Variants in NCOA5 observed in about 807,000 individuals in gnomAD.
NCOA5 encodes nuclear receptor coactivator 5, also known as NCoA-5.
Under a neutral mutation model 59.0 loss-of-function variants are expected in NCOA5, and 12 were observed. The ratio of observed to expected loss-of-function variants is 0.20; its 90% confidence interval spans 0.13 to 0.33. NCOA5 has a LOEUF of 0.33. Among genes scored for constraint, NCOA5 ranks in the 10% least tolerant of loss-of-function variants. The pLI, the probability that NCOA5 is intolerant of heterozygous loss-of-function variation, is 1.00. For synonymous variants in NCOA5, 270 were observed against 275.5 expected (o/e 0.98, Z 0.20); for missense variants, 655 against 766.6 (o/e 0.85, Z 1.72).
chr20:46,085,714 C>G (rs1218252296), intron 1 of NCOA5, among the ~76,000 whole-genome samples: 1 of 152,100 alleles, frequency 6.6e-6, no homozygotes. Context: ...AGAGGAATAA[C>G]ATGAAGCAAG....
intron 2 of NCOA5, among the ~76,000 whole-genome samples, chr20:46,072,533 A>G (rs1181057812): frequency 6.6e-6 from 1 of 152,072 alleles, no homozygotes; most frequent in Non-Finnish European, 1.5e-5. Context: ...TACAACCTCT[A>G]CCAATGCCAT....
intron 1 of NCOA5, among the ~76,000 whole-genome samples, chr20:46,083,670 TTA>T (rs1400669398): frequency 6.6e-6 from 1 of 152,220 alleles, no homozygotes; most frequent in Non-Finnish European, 1.5e-5. Flanking sequence ...TCTAAAAGGC[TTA>T]GTTGAAAACC....
intron 4 of NCOA5, among the ~76,000 whole-genome samples, chr20:46,067,864 C>T (rs573685860): frequency 6.6e-6 from 1 of 151,986 alleles, no homozygotes; most frequent in Admixed American, 6.6e-5. Flanking sequence ...GATAGTCAGT[C>T]ATAGTTACTT....
rs753097933 is a variant in NCOA5, at chr20:46,063,594, G to C, written c.916C>G (p.Arg306Gly). 18 of 1,613,976 alleles carry C rather than the reference G, an allele frequency of 1.1e-5. No individual in the cohort carries two copies. The Admixed American group carries it at 2.0e-4, about 18-fold the overall frequency. ...RYKNECREKE[R>G]EEIARQAAKM... ...GCTGCCTGTCTGGCAATCTCCTCACGTTCCTTCTCCCGGCACTCATTCTTG... is the reference window on the plus strand; with the variant it reads ...GCTGCCTGTCTGGCAATCTCCTCACCTTCCTTCTCCCGGCACTCATTCTTG... The change falls in exon 7 of 8, where the codon CGT (arginine) becomes GGT (glycine). Residue 306 changes from arginine to glycine, a missense_variant. Around this residue, in one of 3 missense-constraint regions of NCOA5, gnomAD observed 325 missense variants for 353.2 expected, o/e 0.92. Transcript: ENST00000290231.
chr20:46,080,683 A>G (rs1035033782), intron 1 of NCOA5, among the ~76,000 whole-genome samples: 3 of 152,164 alleles, frequency 2.0e-5, no homozygotes, highest in Admixed American at 6.5e-5. Flanking sequence ...AGAAGTCTCT[A>G]ATTTGTCTAG....
intron 1 of NCOA5, 111 bp downstream of exon 1, chr20:46,089,694 AGACCGTGGCCGC>A (rs1333479377): frequency 1.3e-5 from 2 of 152,038 alleles, no homozygotes; most frequent in East Asian, 3.9e-4. Context: ...AGAGGAGCCG[AGACCGTGGCCGC>A]GCGTCGAGTG....
chr20:46,082,423 AG>A (rs1329290614), intron 1 of NCOA5, among the ~76,000 whole-genome samples: 1 of 152,222 alleles, frequency 6.6e-6, no homozygotes, highest in African/African-American at 2.4e-5. Flanking sequence ...CTCTGGTTGG[AG>A]AAAAATTAAT....
rs751690591 is a variant in NCOA5, at chr20:46,065,135, G to C, written c.723C>G (p.Ala241=). The C allele has an allele frequency of 6.2e-7, 1 of 1,614,178 alleles. No individual in the cohort carries two copies. ...FLNTEVSLSQ[A]LEDVSRGGSP... ...AACCTCCCCTGCTAACATCCTCCAA[G>C]GCTTGTGACAGTGACACTTCTGTGT... Residue 241 remains alanine, a synonymous_variant, in exon 6 of 8, where the codon GCC becomes GCG. Coordinates refer to ENST00000290231, the MANE Select transcript of NCOA5 (RefSeq NM_020967.3).
intron 2 of NCOA5, among the ~76,000 whole-genome samples, chr20:46,073,666 T>A (rs80216457): frequency 0.014 from 2,156 of 152,308 alleles, 51 homozygotes; most frequent in African/African-American, 0.05. Context: ...ATCATGATCC[T>A]GACAGACCAC....
chr20:46,066,945 C>T, intron 5 of NCOA5, 110 bp downstream of exon 5: 6 of 1,252,294 alleles, frequency 4.8e-6, no homozygotes, highest in Non-Finnish European at 5.5e-6. Context: ...TAACAGCGCA[C>T]AGCAATGCAA....
At chr20:46,077,124 G>A (rs1001568199) in intron 2 of NCOA5, among the ~76,000 whole-genome samples, 27 of 152,074 alleles carry the variant, frequency 1.8e-4, no homozygotes, top group Admixed American at 7.2e-4. Context: ...TGCCCAGGCC[G>A]GTCTCAAACT....
chr20:46,079,896 G>C (rs527445001), intron 1 of NCOA5, among the ~76,000 whole-genome samples: 1 of 152,304 alleles, frequency 6.6e-6, no homozygotes, highest in East Asian at 1.9e-4. Context: ...TTACTAAGAA[G>C]TAATAGCTGG....
At chr20:46,064,372 G>A (rs1349845936) in intron 6 of NCOA5, among the ~76,000 whole-genome samples, 1 of 152,222 alleles carries the variant, frequency 6.6e-6, no homozygotes, top group Non-Finnish European at 1.5e-5. Context: ...CTGTAAGAGT[G>A]AGGAGCAGGG....
chr20:46,074,937 T>TG (rs1399447431), intron 2 of NCOA5, among the ~76,000 whole-genome samples: 1 of 152,384 alleles, frequency 6.6e-6, no homozygotes, highest in East Asian at 1.9e-4. Flanking sequence ...TCTTCCTTTC[T>TG]GTTCACCGGA....
chr20:46,077,621 T>C (rs913523030), intron 2 of NCOA5, among the ~76,000 whole-genome samples: 1 of 152,224 alleles, frequency 6.6e-6, no homozygotes, highest in Non-Finnish European at 1.5e-5. Flanking sequence ...AGGATTTTAC[T>C]AGCGGAGTCA....
chr20:46,067,320 T>G, intron 4 of NCOA5, 139 bp from the exon 5 acceptor site: 1 of 1,056,426 alleles, frequency 9.5e-7, no homozygotes, highest in Non-Finnish European at 1.3e-6. Flanking sequence ...TTAATATTTT[T>G]TACTATTATA....
chr20:46,074,337 T>C (rs2084914006), intron 2 of NCOA5, among the ~76,000 whole-genome samples: 1 of 152,194 alleles, frequency 6.6e-6, no homozygotes, highest in South Asian at 2.1e-4. Flanking sequence ...ATAAGTGGGT[T>C]AGAATCAGGT....
chr20:46,064,038 G>C (rs2084796053), intron 6 of NCOA5, among the ~76,000 whole-genome samples: 1 of 152,220 alleles, frequency 6.6e-6, no homozygotes, highest in Non-Finnish European at 1.5e-5. Context: ...CCAGCAGCAG[G>C]AGGCCAACAG....
chr20:46,067,161 G>A lies in NCOA5; in HGVS notation c.523C>T (p.Arg175Trp), dbSNP rs764153135. The A allele has an allele frequency of 1.5e-5, 24 of 1,613,250 alleles. No individual in the cohort carries two copies. The highest frequency in any genetic ancestry group is 5.3e-5 in the African/African-American group (4 of 74,846). ...RAKERLKREE[R>W]RREELYRQYF... Reference sequence around the variant, plus strand: ...TGACGATAAAGCTCTTCTCTACGCCGTTCCTCACGTTTCAAACGCTCTGCA... The same window carrying A: ...TGACGATAAAGCTCTTCTCTACGCCATTCCTCACGTTTCAAACGCTCTGCA... The change falls in exon 5 of 8, where the codon CGG becomes TGG. Residue 175 changes from arginine (R) to tryptophan (W), a missense_variant. By Grantham distance (101) the Arg-to-Trp change is moderately radical. Coordinates refer to ENST00000290231, the MANE Select transcript of NCOA5 (RefSeq NM_020967.3).
Sources: allele counts gnomAD v4.1 joint callset (sites outside exome capture counted in the v4.1 genomes callset), GRCh38; gene constraint gnomAD v4.1.1; regional missense constraint gnomAD v4.1.1; transcripts MANE v1.5; gene names NCBI Gene and HGNC (gene_info 2026-07-23, HGNC 2026-07-21).